DCHS2: variants seen among roughly 807,000 people sequenced by gnomAD.
The protein encoded by DCHS2 is dachsous cadherin-related 2, also known as protocadherin-23.
Under a neutral mutation model 182.4 loss-of-function variants are expected in DCHS2, and 142 were observed. The ratio of observed to expected loss-of-function variants is 0.78; its 90% CI spans 0.68 to 0.89. The LOEUF (loss-of-function observed/expected upper bound fraction) is 0.89. DCHS2 is among the 40% of genes least tolerant of loss of function. DCHS2 has a pLI of 0.00. For synonymous variants in DCHS2, 1,740 were observed against 1,663.3 expected, an observed-to-expected ratio of 1.05 and a Z score of -1.12; for missense variants, 4,319 against 4,198.6, an observed-to-expected ratio of 1.03 and a Z score of -0.79.
intron 1 of DCHS2, among the ~76,000 whole-genome samples, chr4:154,407,026 C>T (rs1732428346): frequency 6.6e-6 from 1 of 152,194 alleles, no homozygotes; most frequent in African/African-American, 2.4e-5. Context: ...GCCACCCTCC[C>T]AAGTTCTAGG....
At position 154,240,586 on chromosome 4, in the gene DCHS2, A is replaced by G; in HGVS notation, c.7310T>C (p.Val2437Ala). The change falls in exon 18 of 20, where the codon GTG becomes GCG. Residue 2437 changes from valine to alanine, a missense_variant. Transcript: ENST00000357232. ...HYTEGALVVR[V>A]LDVNDNPPVF... Reference sequence around the variant, plus strand: ...TGGTGGATTATCATTGACATCCAGCACACGGACTACAAGTGCTCCCTCTGT... The same window carrying G: ...TGGTGGATTATCATTGACATCCAGCGCACGGACTACAAGTGCTCCCTCTGT... 6.2e-7 allele frequency: 1 copy of G among 1,613,902 alleles called. No individual in the cohort carries two copies. Among genetic ancestry groups the G allele is most frequent in the Non-Finnish European group, 8.5e-7 (1 of 1,179,888 alleles).
intron 1 of DCHS2, among the ~76,000 whole-genome samples, chr4:154,449,219 G>A (rs78160302): frequency 5.4e-5 from 8 of 149,464 alleles, no homozygotes; most frequent in Admixed American, 6.7e-5. Flanking sequence ...CCCCAAAATT[G>A]AAAAAAAAAA....
At chr4:154,464,472 T>C (rs1735154157) in intron 1 of DCHS2, among the ~76,000 whole-genome samples, 1 of 152,142 alleles carries the variant, frequency 6.6e-6, no homozygotes, top group Non-Finnish European at 1.5e-5. Flanking sequence ...TGCAAGGATA[T>C]AAAGTCCATT....
chr4:154,278,627 A>AAAAGAG (rs1733979985), intron 13 of DCHS2, among the ~76,000 whole-genome samples: 1 of 151,972 alleles, frequency 6.6e-6, no homozygotes, highest in Non-Finnish European at 1.5e-5. Flanking sequence ...ATTAAAAAAA[A>AAAAGAG]AAAGAGAAAG....
In DCHS2 at chr4:154,231,945, C is replaced by CATGGAATTTTG. The variant is rs1731221815; in HGVS notation, c.*2580_*2590dup. ...GCCAATTCAATGATTACTACTAGGA[C>CATGGAATTTTG]ATGGAATTTTGATATCCATTTGGTA... On this transcript the variant is annotated 3_prime_UTR_variant, in exon 20 of 20. Transcript: ENST00000357232. 3 of 152,094 alleles carry CATGGAATTTTG rather than the reference C, an allele frequency of 2.0e-5. No homozygotes were observed. Among genetic ancestry groups the CATGGAATTTTG allele is most frequent in the African/African-American group, 7.2e-5 (3 of 41,428 alleles). 9.4% of individuals were successfully genotyped at this position (152,094 alleles called of 1,614,324 possible).
At chr4:154,393,171 G>A (rs1029477631) in intron 1 of DCHS2, among the ~76,000 whole-genome samples, 4 of 152,184 alleles carry the variant, frequency 2.6e-5, no homozygotes. Flanking sequence ...ATTAATACCT[G>A]ATTAAAGAAT....
At chr4:154,329,453 T>C in intron 6 of DCHS2, 70 bp downstream of exon 6, 1 of 1,450,078 alleles carries the variant, frequency 6.9e-7, no homozygotes, top group Non-Finnish European at 9.4e-7. Flanking sequence ...TCACAGGTTT[T>C]ACCACAAGAT....
chr4:154,432,018 T>C (rs977306239), intron 1 of DCHS2, among the ~76,000 whole-genome samples: 14 of 152,232 alleles, frequency 9.2e-5, no homozygotes, highest in Admixed American at 7.2e-4. Flanking sequence ...AGGGAATGCA[T>C]CAAGGTATAA....
intron 12 of DCHS2, 122 bp downstream of exon 12, chr4:154,304,547 T>G: frequency 1.3e-6 from 1 of 776,686 alleles, no homozygotes; most frequent in Non-Finnish European, 2.0e-6. Context: ...GCACAAGAAT[T>G]GCTTGAACCT....
intron 1 of DCHS2, among the ~76,000 whole-genome samples, chr4:154,443,334 T>C (rs13122913): frequency 0.48 from 72,222 of 152,006 alleles, 17,793 homozygotes; most frequent in South Asian, 0.68. Context: ...ATAAAATAAA[T>C]TACCACTCAA....
intron 3 of DCHS2, chr4:154,343,777 A>AT: frequency 1.0e-6 from 1 of 959,930 alleles, no homozygotes; most frequent in Non-Finnish European, 1.4e-6. Context: ...CTTTCTTATC[A>AT]TTTTTCTGTT....
chr4:154,256,612 A>G (rs1732687359), intron 15 of DCHS2, among the ~76,000 whole-genome samples: 1 of 152,168 alleles, frequency 6.6e-6, no homozygotes, highest in African/African-American at 2.4e-5. Flanking sequence ...TAAACCAATT[A>G]TGTTAGTGGA....
chr4:154,237,435 T>C, intron 19 of DCHS2: 1 of 315,402 alleles, frequency 3.2e-6, no homozygotes, highest in Non-Finnish European at 5.4e-6. Context: ...AATTTTGTTT[T>C]TGTATAGTAA....
At chr4:154,316,060 T>C (rs1393357842) in intron 9 of DCHS2, 73 bp from the exon 10 acceptor site, 9 of 1,565,562 alleles carry the variant, frequency 5.7e-6, no homozygotes, top group South Asian at 1.2e-5. Flanking sequence ...TCCACTTATA[T>C]CTAACTTGTC....
At chr4:154,351,984 A>G (rs1473439150) in intron 3 of DCHS2, among the ~76,000 whole-genome samples, 1 of 152,042 alleles carries the variant, frequency 6.6e-6, no homozygotes, top group East Asian at 1.9e-4. Flanking sequence ...CAATTTAATC[A>G]CAGTTATAGC....
chr4:154,278,868 C>G (rs2111228792), intron 13 of DCHS2, among the ~76,000 whole-genome samples: 1 of 152,114 alleles, frequency 6.6e-6, no homozygotes, highest in African/African-American at 2.4e-5. Flanking sequence ...ACCTGCCTTA[C>G]AGGATATGAG....
At chr4:154,265,736 T>C (rs1028546140) in intron 14 of DCHS2, among the ~76,000 whole-genome samples, 2 of 151,624 alleles carry the variant, frequency 1.3e-5, no homozygotes, top group Non-Finnish European at 2.9e-5. Flanking sequence ...TATTCTGCAA[T>C]GTACACATAT....
chr4:154,345,103 G>A (rs541288575), intron 3 of DCHS2, among the ~76,000 whole-genome samples: 8 of 152,310 alleles, frequency 5.3e-5, no homozygotes, highest in African/African-American at 1.9e-4. Context: ...AAAGTCGCCT[G>A]TAACAGTGTC....
At position 154,491,485 on chromosome 4, in the gene DCHS2, G is replaced by A; in HGVS notation, c.-130C>T. On this transcript the variant is annotated 5_prime_UTR_variant, in exon 1 of 20. Transcript: ENST00000357232. The stretch of plus-strand genomic sequence containing the variant: ...ACTTTGTTTGGCAAACAAACCGACG[G>A]CCCAGGAATTCCCGAGGTTACATCT... 1 of 1,406,586 alleles carries A rather than the reference G, an allele frequency of 7.1e-7. No individual in the cohort carries two copies. The highest frequency in any genetic ancestry group is 9.2e-7 in the Non-Finnish European group (1 of 1,086,102). 87.1% of individuals were successfully genotyped at this position (1,406,586 alleles called of 1,614,324 possible). A position where few individuals can be genotyped will look rare whatever the true frequency, so the allele number is the denominator to read the frequency against.
Sources: allele counts gnomAD v4.1 joint callset (sites outside exome capture counted in the v4.1 genomes callset), GRCh38; gene constraint gnomAD v4.1.1; transcripts MANE v1.5; gene names NCBI Gene and HGNC (gene_info 2026-07-23, HGNC 2026-07-21).